The following NUDT13 variants were observed in gnomAD, a reference collection of about 807,000 sequenced individuals.
NUDT13 encodes NAD(P)H pyrophosphatase NUDT13, mitochondrial.
NUDT13 carries 40 observed loss-of-function variants against 41.7 expected under a neutral mutation model. The ratio of observed to expected loss-of-function variants is 0.96; its 90% confidence interval spans 0.75 to 1.25. The LOEUF (loss-of-function observed/expected upper bound fraction) is 1.25, where lower values mean the gene tolerates loss of function less well. Ranked by LOEUF, NUDT13 falls within the 50% of genes most tolerant of loss-of-function variation. The probability of loss-of-function intolerance (pLI) is 0.00; values close to 1 mark genes in which losing one functional copy is unlikely to be tolerated. For synonymous variants in NUDT13, 145 were observed against 155.5 expected (o/e 0.93, Z 0.50); for missense variants, 390 against 416.1 (o/e 0.94, Z 0.55).
chr10:73,114,505 G>A (rs957203083), intron 2 of NUDT13, 57 bp downstream of exon 2: 4 of 777,302 alleles, frequency 5.1e-6, no homozygotes, highest in Admixed American at 5.0e-5. Flanking sequence ...AAACTATTGT[G>A]ATATTATGAT....
chr10:73,129,167 CTT>C (rs900393888), intron 8 of NUDT13, among the ~76,000 whole-genome samples: 7 of 110,184 alleles, frequency 6.4e-5, no homozygotes, highest in Middle Eastern at 5.1e-3. Flanking sequence ...AAGACGTTGT[CTT>C]TTTTTTTTTT....
At chr10:73,123,062 G>A (rs1280481577) in intron 4 of NUDT13, among the ~76,000 whole-genome samples, 2 of 151,482 alleles carry the variant, frequency 1.3e-5, no homozygotes, top group Non-Finnish European at 2.9e-5. Context: ...CACCATGCCC[G>A]GCTAGTTTTG....
chr10:73,113,903 A>AT (rs1842431557), intron 1 of NUDT13, among the ~76,000 whole-genome samples: 1 of 152,226 alleles, frequency 6.6e-6, no homozygotes, highest in Admixed American at 6.5e-5. Flanking sequence ...TTCATGGGGA[A>AT]TAAAATACTG....
Position 73,130,968 on chromosome 10 carries a change from A to G in NUDT13, c.*65A>G. 2 of 1,397,844 alleles carry G rather than the reference A, an allele frequency of 1.4e-6. No individual in the cohort carries two copies. Among genetic ancestry groups the G allele is most frequent in the South Asian group, 2.3e-5 (2 of 85,620 alleles). The allele number at this position is 1,397,844 out of a possible 1,614,324, so 86.6% of individuals were successfully genotyped here. The stretch of plus-strand genomic sequence containing the variant: ...AGGGACAAACTAGAGATCAGTTGAC[A>G]AAGGAGAAGTGACAAAAGATAAGCT... On this transcript the variant is annotated 3_prime_UTR_variant, in exon 9 of 9. Transcript: ENST00000357321.
At chr10:73,119,421 A>C (rs768781475) in intron 2 of NUDT13, 12 of 815,838 alleles carry the variant, frequency 1.5e-5, no homozygotes, top group Non-Finnish European at 1.8e-5. Context: ...GGGTACATTG[A>C]AGGTAAAATT....
rs770563860 is a variant in NUDT13 at position 73,130,720 on chromosome 10, A to C, written c.876A>C (p.Arg292Ser). 16 of 1,613,730 alleles carry C rather than the reference A, an allele frequency of 9.9e-6. No homozygotes were observed. The highest frequency in any genetic ancestry group is 1.4e-5 in the Non-Finnish European group (16 of 1,179,820). The change falls in exon 9 of 9, where the codon AGA becomes AGC. Residue 292 changes from arginine to serine, a missense_variant. Physicochemically the swap from Arg to Ser is moderately radical, Grantham distance 110. Transcript: ENST00000357321. ...PGQTEIQVNL[R>S]ELETAAWFSH... ...TCTTTCAGATCCAGGTGAACTTGAG[A>C]GAATTAGAGACAGCTGCCTGGTTCA...
chr10:73,125,801 C>T lies in NUDT13; in HGVS notation c.703+292C>T, dbSNP rs543097825. 2.6e-5 allele frequency among the ~76,000 whole-genome samples: 4 copies of T among 151,740 alleles called. No individual in the cohort carries two copies. The East Asian group carries it at 7.8e-4, about 29-fold the overall frequency. ...CTGGGTTCAAGCAATCCTCCCACCT[C>T]AGCCTCCTGAATAGCTAGGACTACA... On this transcript the variant is annotated intron_variant, in intron 7 of 8. Coordinates refer to ENST00000357321, the MANE Select transcript of NUDT13 (RefSeq NM_015901.6).
At chr10:73,118,325 G>A (rs1842564172) in intron 2 of NUDT13, among the ~76,000 whole-genome samples, 1 of 152,196 alleles carries the variant, frequency 6.6e-6, no homozygotes, top group Non-Finnish European at 1.5e-5. Context: ...GCACTGGGGT[G>A]CATTTGTCTT....
At chr10:73,122,735 C>G (rs1438895918) in intron 4 of NUDT13, among the ~76,000 whole-genome samples, 1 of 146,954 alleles carries the variant, frequency 6.8e-6, no homozygotes, top group Non-Finnish European at 1.5e-5. Context: ...CCATGCCCAG[C>G]TAATTTTTAA....
In NUDT13 at chr10:73,127,385, AAATT is replaced by A. The variant is rs553252048; in HGVS notation, c.858+571_858+574del. Among the ~76,000 whole-genome samples, 489 of 152,226 alleles carry A rather than the reference AAATT, an allele frequency of 3.2e-3. 1 individual carries two copies. Among genetic ancestry groups the A allele is most frequent in the Non-Finnish European group, 4.9e-3 (335 of 68,010 alleles). ...CAGGGTGAGAATGCATCTTGAAAGT[AAATT>A]AATTAATTAATTTAATTAAATATGA... On this transcript the variant is annotated intron_variant, in intron 8 of 8. Coordinates refer to ENST00000357321, the MANE Select transcript of NUDT13 (RefSeq NM_015901.6).
intron 2 of NUDT13, among the ~76,000 whole-genome samples, chr10:73,118,195 A>G (rs540429203): frequency 6.6e-6 from 1 of 152,244 alleles, no homozygotes; most frequent in African/African-American, 2.4e-5. Context: ...AGGAGGCTAC[A>G]GTGACTCATA....
Position 73,114,433 on chromosome 10 carries a change from A to T in NUDT13, c.68A>T (p.Tyr23Phe), listed in dbSNP as rs1842450073. Reference sequence around the variant, plus strand: ...TGGTGCTATAGGCTGCTGTCAACCTATGTTACTAAGACACGGTGAGTTTTA... The same window carrying T: ...TGGTGCTATAGGCTGCTGTCAACCTTTGTTACTAAGACACGGTGAGTTTTA... ...FFWCYRLLST[Y>F]VTKTRYLFEL... is the part of the protein sequence containing the mutation. Residue 23 changes from tyrosine (Y) to phenylalanine (F), a missense_variant, in exon 2 of 9, where the codon TAT (tyrosine) becomes TTT (phenylalanine). Physicochemically the swap from Tyr to Phe is conservative, Grantham distance 22. Transcript: ENST00000357321. The T allele has an allele frequency of 6.3e-7, 1 of 1,584,970 alleles. No individual in the cohort carries two copies. The highest frequency in any genetic ancestry group is 1.7e-4 in the Middle Eastern group (1 of 5,920).
Position 73,131,050 on chromosome 10 carries a change from T to C in NUDT13, c.*147T>C. 3.3e-6 allele frequency: 2 copies of C among 597,490 alleles called. No homozygotes were observed. The highest frequency in any genetic ancestry group is 5.8e-6 in the Non-Finnish European group (2 of 342,180). 37.0% of individuals were successfully genotyped at this position (597,490 alleles called of 1,614,324 possible). On this transcript the variant is annotated 3_prime_UTR_variant, in exon 9 of 9. Coordinates refer to ENST00000357321, the MANE Select transcript of NUDT13 (RefSeq NM_015901.6). Reference sequence around the variant, plus strand: ...GTGAGCCTACAGTAAGACACTTCTATCAGCAGTGTTAATGGAAGAAATTCC... The same window carrying C: ...GTGAGCCTACAGTAAGACACTTCTACCAGCAGTGTTAATGGAAGAAATTCC...
chr10:73,125,248 T>G lies in NUDT13; in HGVS notation c.591+5T>G, dbSNP rs1280782924. On this transcript the variant is annotated splice_donor_5th_base_variant and intron_variant, in intron 6 of 8. Coordinates refer to ENST00000357321, the MANE Select transcript of NUDT13 (RefSeq NM_015901.6). ...AATATAATCTATTATCCACAGGTAATTATTGCTGTAAGAGGACAGTAATCC... is the reference window on the plus strand; with the variant it reads ...AATATAATCTATTATCCACAGGTAAGTATTGCTGTAAGAGGACAGTAATCC... 2 of 1,608,882 alleles carry G rather than the reference T, an allele frequency of 1.2e-6. No homozygotes were observed. Among genetic ancestry groups the G allele is most frequent in the South Asian group, 2.2e-5 (2 of 90,812 alleles).
At chr10:73,129,167 CTTTTTT>C (rs900393888) in intron 8 of NUDT13, among the ~76,000 whole-genome samples, 1 of 110,208 alleles carries the variant, frequency 9.1e-6, no homozygotes, top group Non-Finnish European at 1.8e-5. Context: ...AAGACGTTGT[CTTTTTT>C]TTTTTTTTTT....
rs749958924 is a variant in NUDT13 at position 73,125,141 on chromosome 10, T to C, written c.489T>C (p.His163=). Residue 163 remains histidine (H), a synonymous_variant, in exon 6 of 9, where the codon CAT becomes CAC. Transcript: ENST00000357321. The part of the protein sequence containing the change: ...LSTAQALLRW[H]DAHQFCSRSG... The stretch of plus-strand genomic sequence containing the variant: ...AGGCTCAAGCTCTTCTCCGCTGGCA[T>C]GATGCTCATCAGTTCTGCAGCAGAA... The C allele has an allele frequency of 1.7e-5, 28 of 1,612,332 alleles. No homozygotes were observed. The East Asian group carries it at 5.8e-4, about 33-fold the overall frequency.
rs763132228 is a variant in NUDT13, at chr10:73,124,266, G to C, written c.411G>C (p.Glu137Asp). The change falls in exon 5 of 9, where the codon GAG becomes GAC. Residue 137 changes from glutamate (E) to aspartate (D), a missense_variant. Physicochemically the swap from Glu to Asp is conservative, Grantham distance 45. Coordinates refer to ENST00000357321, the MANE Select transcript of NUDT13 (RefSeq NM_015901.6). ...CAGAGCTCAAGGGGTCTTTCATTGAGCTGAGAAAGGCACTCTTTCAACTCA... is the reference window on the plus strand; with the variant it reads ...CAGAGCTCAAGGGGTCTTTCATTGACCTGAGAAAGGCACTCTTTCAACTCA... ...METELKGSFI[E>D]LRKALFQLNA... The C allele has an allele frequency of 6.2e-7, 1 of 1,613,320 alleles. No individual in the cohort carries two copies.
At chr10:73,126,513 G>C in intron 7 of NUDT13, 160 bp from the exon 8 acceptor site, 2 of 717,308 alleles carry the variant, frequency 2.8e-6, no homozygotes, top group Admixed American at 3.0e-5. Context: ...CACAGCTCTG[G>C]ACCTGATTCT....
chr10:73,130,853 C>T lies in NUDT13; in HGVS notation c.1009C>T (p.Leu337=). ...CCCTAAGTTAGCCATCTCCCACCAACTGATTAAGGAGTGGGTGGAAAAACA... is the reference window on the plus strand; with the variant it reads ...CCCTAAGTTAGCCATCTCCCACCAATTGATTAAGGAGTGGGTGGAAAAACA... The part of the protein sequence containing the change: ...LPPKLAISHQ[L]IKEWVEKQTC... Residue 337 remains leucine (L), a synonymous_variant, in exon 9 of 9, where the codon CTG becomes TTG. Transcript: ENST00000357321. 6.2e-7 allele frequency: 1 copy of T among 1,614,000 alleles called. No homozygotes were observed. The highest frequency in any genetic ancestry group is 8.5e-7 in the Non-Finnish European group (1 of 1,179,942).
Sources: gnomAD v4.1 joint callset for allele counts (sites outside exome capture counted in the v4.1 genomes callset) on GRCh38, gnomAD v4.1.1 for gene constraint, MANE v1.5 for transcripts, NCBI Gene and HGNC (gene_info 2026-07-23, HGNC 2026-07-21) for gene names.